CSMD1: variants seen among roughly 807,000 people sequenced by gnomAD.
CSMD1 encodes the protein CUB and Sushi multiple domains 1.
A neutral mutation model predicts 417.5 loss-of-function variants in CSMD1; 213 were observed. The ratio of observed to expected loss-of-function variants is 0.51; its 90% CI spans 0.46 to 0.57. The LOEUF is 0.57. Among genes scored for constraint, CSMD1 ranks in the 20% least tolerant of loss-of-function variants. The pLI is 0.00. For missense variants in CSMD1, 6,923 were observed against 4,529.7 expected (o/e 1.53, Z -15.17); for synonymous variants, 2,862 against 1,736.8 (o/e 1.65, Z -16.11).
At chr8:3,929,125 A>T (rs960465045) in intron 5 of CSMD1, among the ~76,000 whole-genome samples, 2 of 150,272 alleles carry the variant, frequency 1.3e-5, no homozygotes, top group Non-Finnish European at 3.0e-5. Flanking sequence ...CTCTGCACAT[A>T]AGCAAGATGC....
intron 12 of CSMD1, among the ~76,000 whole-genome samples, chr8:3,448,318 AG>A (rs1815437076): frequency 1.1e-3 from 4 of 3,780 alleles, no homozygotes; most frequent in South Asian, 0.015. Context: ...GAAGGAAGGA[AG>A]GAAGGGAGCA....
intron 26 of CSMD1, among the ~76,000 whole-genome samples, chr8:3,261,256 C>T (rs982664808): frequency 1.3e-5 from 2 of 152,146 alleles, no homozygotes; most frequent in African/African-American, 2.4e-5. Flanking sequence ...ATCACGTACG[C>T]GTTGCTGGTG....
At chr8:3,681,280 T>G (rs912333239) in intron 7 of CSMD1, among the ~76,000 whole-genome samples, 1 of 152,100 alleles carries the variant, frequency 6.6e-6, no homozygotes, top group East Asian at 1.9e-4. Flanking sequence ...GATTGTATAT[T>G]TAGAAAACCC....
At chr8:4,278,725 C>T (rs897708336) in intron 3 of CSMD1, among the ~76,000 whole-genome samples, 20 of 152,142 alleles carry the variant, frequency 1.3e-4, no homozygotes, top group African/African-American at 4.3e-4. Flanking sequence ...AACTTGCTGC[C>T]ACTATCATCT....
intron 5 of CSMD1, among the ~76,000 whole-genome samples, chr8:3,942,620 A>G (rs1314991389): frequency 6.6e-6 from 1 of 152,202 alleles, no homozygotes; most frequent in Non-Finnish European, 1.5e-5. Flanking sequence ...TGGTCCGGCC[A>G]TTCTACTTAC....
intron 52 of CSMD1, among the ~76,000 whole-genome samples, chr8:3,016,137 CA>C (rs1786851401): frequency 6.6e-6 from 1 of 152,198 alleles, no homozygotes; most frequent in African/African-American, 2.4e-5. Flanking sequence ...AGATAAATCT[CA>C]CAAATGCCAT....
At chr8:4,138,789 G>A (rs1288329575) in intron 3 of CSMD1, among the ~76,000 whole-genome samples, 1 of 152,136 alleles carries the variant, frequency 6.6e-6, no homozygotes, top group African/African-American at 2.4e-5. Context: ...ACTATGAACA[G>A]TGGCTTTCAT....
chr8:3,649,527 G>A (rs112146877), intron 7 of CSMD1, among the ~76,000 whole-genome samples: 3 of 152,268 alleles, frequency 2.0e-5, no homozygotes, highest in African/African-American at 7.2e-5. Context: ...GGGGAAGCAA[G>A]GCACCTTCTT....
intron 4 of CSMD1, among the ~76,000 whole-genome samples, chr8:4,024,536 GGTCAA>G (rs1796964171): frequency 6.6e-6 from 1 of 152,112 alleles, no homozygotes; most frequent in South Asian, 2.1e-4. Context: ...TTAAATCAGA[GGTCAA>G]GTCAATTTGA....
chr8:4,287,643 C>G (rs1563393033), intron 3 of CSMD1, among the ~76,000 whole-genome samples: 1 of 136,478 alleles, frequency 7.3e-6, no homozygotes, highest in Non-Finnish European at 1.6e-5. Context: ...TGGCTGCAGT[C>G]TCGTCATAGG....
chr8:4,051,888 CTT>C (rs1798449002), intron 3 of CSMD1, among the ~76,000 whole-genome samples: 2 of 10,676 alleles, frequency 1.9e-4, no homozygotes, highest in South Asian at 2.4e-3. Flanking sequence ...TTCTTCCTTC[CTT>C]CCTTCCTTCC....
At chr8:4,294,892 T>A (rs1309872722) in intron 3 of CSMD1, among the ~76,000 whole-genome samples, 1 of 151,802 alleles carries the variant, frequency 6.6e-6, no homozygotes. Context: ...GCTGTCAATG[T>A]GTATGGAACG....
intron 3 of CSMD1, among the ~76,000 whole-genome samples, chr8:4,372,494 C>CAA (rs71534395): frequency 1.4e-4 from 21 of 151,508 alleles, no homozygotes; most frequent in East Asian, 3.9e-4. Flanking sequence ...ACAACAACAA[C>CAA]AAAAAACAGA....
intron 2 of CSMD1, among the ~76,000 whole-genome samples, chr8:4,624,382 A>G (rs950078619): frequency 2.0e-5 from 3 of 152,134 alleles, no homozygotes; most frequent in Non-Finnish European, 4.4e-5. Flanking sequence ...GAAAGACTCA[A>G]CCAGTTTTGG....
At chr8:4,935,254 C>T (rs1807533293) in intron 1 of CSMD1, among the ~76,000 whole-genome samples, 1 of 152,170 alleles carries the variant, frequency 6.6e-6, no homozygotes. Context: ...CACCTTTCTT[C>T]TTCAGTTAGA....
chr8:4,384,070 G>A (rs1406221161), intron 3 of CSMD1, among the ~76,000 whole-genome samples: 2 of 151,804 alleles, frequency 1.3e-5, no homozygotes, highest in East Asian at 1.9e-4. Context: ...TTTTTGCACC[G>A]TCTCAGATGG....
chr8:3,620,982 A>C (rs953600521), intron 7 of CSMD1, among the ~76,000 whole-genome samples: 1 of 152,162 alleles, frequency 6.6e-6, no homozygotes, highest in Non-Finnish European at 1.5e-5. Flanking sequence ...TTAAAGTGTC[A>C]TCCTTAAGGT....
intron 3 of CSMD1, among the ~76,000 whole-genome samples, chr8:4,057,623 A>G (rs1178755180): frequency 6.8e-6 from 1 of 146,938 alleles, no homozygotes; most frequent in Non-Finnish European, 1.5e-5. Flanking sequence ...CTATGTCCTG[A>G]ATGGTAATGC....
chr8:4,803,129 T>C (rs997583315), intron 1 of CSMD1, among the ~76,000 whole-genome samples: 2 of 152,228 alleles, frequency 1.3e-5, no homozygotes, highest in Non-Finnish European at 2.9e-5. Flanking sequence ...TATGATTTTT[T>C]TGCCCATACA....
Sources: allele counts gnomAD v4.1 joint callset (sites outside exome capture counted in the v4.1 genomes callset), GRCh38; gene constraint gnomAD v4.1.1; transcripts MANE v1.5; gene names NCBI Gene and HGNC (gene_info 2026-07-23, HGNC 2026-07-21).